Variants in SMURF2 observed in about 807,000 individuals in gnomAD.
SMURF2 encodes the protein SMAD specific E3 ubiquitin protein ligase 2.
A neutral mutation model predicts 109.6 loss-of-function variants in SMURF2; 48 were observed. The ratio of observed to expected loss-of-function variants is 0.44; its 90% CI spans 0.35 to 0.56. The LOEUF (loss-of-function observed/expected upper bound fraction) is 0.56, where lower values mean the gene tolerates loss of function less well. Ranked by LOEUF, SMURF2 falls within the 20% of genes least tolerant of loss-of-function variation. The probability of loss-of-function intolerance (pLI) is 0.01; values close to 1 mark genes in which losing one functional copy is unlikely to be tolerated. For synonymous variants in SMURF2, 288 were observed against 317.1 expected (o/e 0.91, Z 0.97); for missense variants, 575 against 909.0 (o/e 0.63, Z 4.72).
intron 1 of SMURF2, among the ~76,000 whole-genome samples, chr17:64,641,472 C>T (rs1207032398): frequency 6.6e-6 from 1 of 152,188 alleles, no homozygotes; most frequent in Non-Finnish European, 1.5e-5. Context: ...TGTTCCCTCT[C>T]CTTGAATCTA....
intron 10 of SMURF2, among the ~76,000 whole-genome samples, chr17:64,566,561 G>GTT (rs1164717270): frequency 0.016 from 707 of 43,734 alleles, 175 homozygotes; most frequent in African/African-American, 0.03. Flanking sequence ...AAGCTTTCTG[G>GTT]TTTTTTTTTT....
intron 4 of SMURF2, 123 bp downstream of exon 4, chr17:64,593,317 A>ATG (rs2144656012): frequency 1.4e-6 from 1 of 729,272 alleles, no homozygotes; most frequent in East Asian, 4.1e-5. Context: ...AAATATATAT[A>ATG]TTATTTTTAA....
chr17:64,614,000 G>T lies in SMURF2; in HGVS notation c.53-7360C>A, dbSNP rs544810625. Among the ~76,000 whole-genome samples the T allele has an allele frequency of 2.0e-5, 3 of 151,926 alleles. No individual in the cohort carries two copies. In the East Asian group the frequency reaches 5.8e-4, roughly 29 times the overall value. On this transcript the variant is annotated intron_variant, in intron 1 of 18. Coordinates refer to ENST00000262435, the MANE Select transcript of SMURF2 (RefSeq NM_022739.4). ...TAAGGAGGGGCAACCTAGATCCCTC[G>T]CATGCGCAGTTCACAGTAGGGTTAA...
chr17:64,655,360 C>T (rs548159371), intron 1 of SMURF2, among the ~76,000 whole-genome samples: 9 of 145,428 alleles, frequency 6.2e-5, no homozygotes, highest in African/African-American at 1.3e-4. Context: ...CAGGTTCAAG[C>T]GATTCTTGTG....
In SMURF2 at chr17:64,593,421, A is replaced by G; in HGVS notation, c.334+19T>C. 1 of 1,594,134 alleles carries G rather than the reference A, an allele frequency of 6.3e-7. No individual in the cohort carries two copies. Among genetic ancestry groups the G allele is most frequent in the Non-Finnish European group, 8.5e-7 (1 of 1,171,216 alleles). ...CACATATATGTTTTTTAATTGGAAA[A>G]GCACTCGTATCTACTCACAACCAGT... On this transcript the variant is annotated intron_variant, in intron 4 of 18. Transcript: ENST00000262435.
intron 1 of SMURF2, among the ~76,000 whole-genome samples, chr17:64,648,349 A>T (rs981897343): frequency 1.3e-5 from 2 of 152,186 alleles, no homozygotes; most frequent in South Asian, 4.1e-4. Flanking sequence ...CTTCAGTCCT[A>T]TATCTTTATA....
chr17:64,615,480 A>G (rs1378788899), intron 1 of SMURF2, among the ~76,000 whole-genome samples: 3 of 152,218 alleles, frequency 2.0e-5, no homozygotes, highest in African/African-American at 4.8e-5. Context: ...AGAAGTATCA[A>G]CTGATGTACA....
chr17:64,599,534 C>T (rs529194153), intron 2 of SMURF2, among the ~76,000 whole-genome samples: 152 of 152,278 alleles, frequency 1.0e-3, no homozygotes, highest in Non-Finnish European at 1.6e-3. Flanking sequence ...CCTGTTACAA[C>T]CGGACCACAA....
At position 64,625,334 on chromosome 17, in the gene SMURF2, C is replaced by T. The variant is rs79092995; in HGVS notation, c.53-18694G>A. Among the ~76,000 whole-genome samples, 812 of 152,294 alleles carry T rather than the reference C, an allele frequency of 5.3e-3. 7 individuals are homozygous for T. The highest frequency in any genetic ancestry group is 0.017 in the African/African-American group (723 of 41,572). ...CAAAGCACTGTCATATGCCAAAAAG[C>T]ACACTTAAGCAAAAATGCAAATGTG... On this transcript the variant is annotated intron_variant, in intron 1 of 18. Coordinates refer to ENST00000262435, the MANE Select transcript of SMURF2 (RefSeq NM_022739.4).
At chr17:64,643,266 A>C (rs746228718) in intron 1 of SMURF2, among the ~76,000 whole-genome samples, 51 of 152,018 alleles carry the variant, frequency 3.4e-4, no homozygotes, top group Non-Finnish European at 6.3e-4. Flanking sequence ...CAAGCCACCC[A>C]CCTGCGCTGG....
At chr17:64,623,967 T>C (rs9914361) in intron 1 of SMURF2, among the ~76,000 whole-genome samples, 152 of 152,352 alleles carry the variant, frequency 1.0e-3, no homozygotes, top group African/African-American at 3.5e-3. Context: ...GTTCCCTCCA[T>C]AGCTTATCCA....
chr17:64,562,778 A>T lies in SMURF2; in HGVS notation c.1205T>A (p.Ile402Asn). 6.2e-7 allele frequency: 1 copy of T among 1,611,546 alleles called. No individual in the cohort carries two copies. Among genetic ancestry groups the T allele is most frequent in the Non-Finnish European group, 8.5e-7 (1 of 1,179,128 alleles). Residue 402 changes from isoleucine (I) to asparagine (N), a missense_variant, in exon 11 of 19, where the codon ATT becomes AAT. This residue lies in a region of SMURF2 where 361 missense variants were observed against 612.1 expected (regional missense o/e 0.59). Transcript: ENST00000262435. ...TAAGGCTCGTAAATTTACCTCAAAA[A>T]TCTCTTCCCTGGAAACCTCAATGCG... ...HCRIEVSREEIFEESYRQVMK... is the reference protein window; with the variant it reads ...HCRIEVSREENFEESYRQVMK...
intron 16 of SMURF2, among the ~76,000 whole-genome samples, chr17:64,551,214 T>C (rs1969040675): frequency 6.6e-6 from 1 of 151,700 alleles, no homozygotes; most frequent in Non-Finnish European, 1.5e-5. Flanking sequence ...AACAAAAAAA[T>C]TAGCCAGGGG....
intron 10 of SMURF2, among the ~76,000 whole-genome samples, chr17:64,563,686 A>G (rs1969258941): frequency 6.6e-6 from 1 of 152,240 alleles, no homozygotes; most frequent in African/African-American, 2.4e-5. Flanking sequence ...AAAATTTGTT[A>G]TGACATACAT....
Position 64,655,860 on chromosome 17 carries a change from A to G in SMURF2, c.52+5969T>C, listed in dbSNP as rs576174908. On this transcript the variant is annotated intron_variant, in intron 1 of 18. Coordinates refer to ENST00000262435, the MANE Select transcript of SMURF2 (RefSeq NM_022739.4). ...CAGTGAGCCAAGATCACGCCACTGT[A>G]CTCTAGCCTGAGTGACAGAGTGAGA... 1.3e-3 allele frequency among the ~76,000 whole-genome samples: 202 copies of G among 152,224 alleles called. 1 individual carries two copies. The highest frequency in any genetic ancestry group is 4.8e-3 in the African/African-American group (199 of 41,548).
At position 64,591,741 on chromosome 17, in the gene SMURF2, G is replaced by T. The variant is rs554525043; in HGVS notation, c.335-592C>A. On this transcript the variant is annotated intron_variant, in intron 4 of 18. Transcript: ENST00000262435. Reference sequence around the variant, plus strand: ...GAACAATGTCACCTAAAGTACGCTGGTTTTACTTTGATTACAGCACTTATA... The same window carrying T: ...GAACAATGTCACCTAAAGTACGCTGTTTTTACTTTGATTACAGCACTTATA... Among the ~76,000 whole-genome samples, 24 of 152,248 alleles carry T rather than the reference G, an allele frequency of 1.6e-4. 1 individual carries two copies. In the South Asian group the frequency reaches 5.0e-3, roughly 32 times the overall value.
intron 1 of SMURF2, among the ~76,000 whole-genome samples, chr17:64,609,911 AC>A (rs1363418471): frequency 1.3e-5 from 2 of 148,850 alleles, no homozygotes; most frequent in African/African-American, 5.2e-5. Flanking sequence ...ATTTAAATTT[AC>A]AAAAAAAAAA....
intron 16 of SMURF2, among the ~76,000 whole-genome samples, chr17:64,549,259 C>CT (rs1555683400): frequency 9.7e-6 from 1 of 102,960 alleles, no homozygotes. Context: ...GAGACTGTGT[C>CT]TCCAAAAAAA....
At position 64,655,807 on chromosome 17, in the gene SMURF2, A is replaced by C. The variant is rs577505570; in HGVS notation, c.52+6022T>G. Among the ~76,000 whole-genome samples, 26 of 152,264 alleles carry C rather than the reference A, an allele frequency of 1.7e-4. No homozygotes were observed. In the East Asian group the frequency reaches 4.8e-3, roughly 28 times the overall value. Reference sequence around the variant, plus strand: ...CTACTAGGGAGGTTGAGGCAGGAGAATCACTTGAACCCAGGGGTCAGAGGC... The same window carrying C: ...CTACTAGGGAGGTTGAGGCAGGAGACTCACTTGAACCCAGGGGTCAGAGGC... On this transcript the variant is annotated intron_variant, in intron 1 of 18. Transcript: ENST00000262435.
Sources: gnomAD v4.1 joint callset for allele counts (sites outside exome capture counted in the v4.1 genomes callset) on GRCh38, gnomAD v4.1.1 for gene constraint, gnomAD v4.1.1 regional missense constraint, MANE v1.5 for transcripts, NCBI Gene and HGNC (gene_info 2026-07-23, HGNC 2026-07-21) for gene names.